NUDT3: variants seen among roughly 807,000 people sequenced by gnomAD.
The protein encoded by NUDT3 is diphosphoinositol polyphosphate phosphohydrolase 1.
Under a neutral mutation model 23.6 loss-of-function variants are expected in NUDT3, and 9 were observed. The ratio of observed to expected loss-of-function variants is 0.38; its 90% CI spans 0.23 to 0.66. NUDT3 has a LOEUF of 0.66. NUDT3 is among the 30% of genes least tolerant of loss of function. NUDT3 has a pLI of 0.52. For missense variants in NUDT3, 172 were observed against 218.5 expected (o/e 0.79, Z 1.34); for synonymous variants, 86 against 82.6 (o/e 1.04, Z -0.22).
chr6:34,339,257 T>C (rs978805406), intron 2 of NUDT3, among the ~76,000 whole-genome samples: 10 of 152,222 alleles, frequency 6.6e-5, no homozygotes, highest in African/African-American at 2.2e-4. Flanking sequence ...GGAGACTTAG[T>C]TGCATTCCTT....
At chr6:34,326,623 C>T (rs892084378) in intron 2 of NUDT3, among the ~76,000 whole-genome samples, 2 of 150,962 alleles carry the variant, frequency 1.3e-5, no homozygotes, top group Non-Finnish European at 2.9e-5. Context: ...TTTTTTGACA[C>T]GGAGTCTTGC....
intron 2 of NUDT3, among the ~76,000 whole-genome samples, chr6:34,316,691 C>G (rs994667338): frequency 2.0e-5 from 3 of 152,100 alleles, no homozygotes; most frequent in Non-Finnish European, 2.9e-5. Context: ...GCAGAGGGAA[C>G]AGCAATTACA....
At chr6:34,334,468 C>T (rs1178810917) in intron 2 of NUDT3, among the ~76,000 whole-genome samples, 6 of 151,398 alleles carry the variant, frequency 4.0e-5, no homozygotes, top group South Asian at 2.1e-4. Context: ...GGTGAAACCC[C>T]GTCTCTACTA....
chr6:34,351,949 T>C (rs1456213751), intron 1 of NUDT3, among the ~76,000 whole-genome samples: 1 of 151,812 alleles, frequency 6.6e-6, no homozygotes, highest in Non-Finnish European at 1.5e-5. Context: ...GTGGGCATGG[T>C]GGCTCACACC....
chr6:34,305,249 T>C (rs1038694594), intron 2 of NUDT3, among the ~76,000 whole-genome samples: 1 of 152,184 alleles, frequency 6.6e-6, no homozygotes, highest in Non-Finnish European at 1.5e-5. Context: ...CCCAAAGTGC[T>C]GGGATTATAG....
At chr6:34,369,115 T>C (rs1764788621) in intron 1 of NUDT3, among the ~76,000 whole-genome samples, 2 of 152,342 alleles carry the variant, frequency 1.3e-5, no homozygotes, top group Middle Eastern at 3.4e-3. Flanking sequence ...GAAAAACTTG[T>C]ATAGAAATGT....
At chr6:34,373,432 C>A (rs2113761653) in intron 1 of NUDT3, among the ~76,000 whole-genome samples, 1 of 140,014 alleles carries the variant, frequency 7.1e-6, no homozygotes, top group Non-Finnish European at 1.5e-5. Context: ...CGGTATCTAT[C>A]CTCATAAATA....
intron 1 of NUDT3, among the ~76,000 whole-genome samples, chr6:34,355,999 G>A (rs1764555185): frequency 6.6e-6 from 1 of 152,042 alleles, no homozygotes; most frequent in Non-Finnish European, 1.5e-5. Flanking sequence ...CCCTGTTTAG[G>A]AGTAGAATGG....
intron 1 of NUDT3, among the ~76,000 whole-genome samples, chr6:34,360,132 G>C (rs940128721): frequency 1.3e-5 from 2 of 151,242 alleles, no homozygotes; most frequent in African/African-American, 4.9e-5. Flanking sequence ...AGGAGGCTGA[G>C]GAAGGAAGAT....
intron 1 of NUDT3, among the ~76,000 whole-genome samples, chr6:34,350,455 T>C (rs1764449167): frequency 6.6e-6 from 1 of 150,936 alleles, no homozygotes; most frequent in African/African-American, 2.5e-5. Context: ...TCTGTACTTG[T>C]TTGGATTCCA....
chr6:34,377,561 C>T (rs1764944906), intron 1 of NUDT3, among the ~76,000 whole-genome samples: 2 of 150,924 alleles, frequency 1.3e-5, no homozygotes, highest in Non-Finnish European at 3.0e-5. Flanking sequence ...GGGCAGGGCA[C>T]AGTGGCTCAT....
At chr6:34,383,853 C>G (rs1765063167) in intron 1 of NUDT3, among the ~76,000 whole-genome samples, 1 of 151,950 alleles carries the variant, frequency 6.6e-6, no homozygotes, top group Admixed American at 6.6e-5. Context: ...TGGTATTAGG[C>G]AAACAGAAGG....
At chr6:34,346,992 C>A (rs1764381616) in intron 1 of NUDT3, among the ~76,000 whole-genome samples, 1 of 152,172 alleles carries the variant, frequency 6.6e-6, no homozygotes, top group Non-Finnish European at 1.5e-5. Flanking sequence ...TGGTCTTGAA[C>A]TCCTGACCTC....
At chr6:34,302,625 G>A (rs1051105847) in intron 2 of NUDT3, among the ~76,000 whole-genome samples, 1 of 152,144 alleles carries the variant, frequency 6.6e-6, no homozygotes, top group South Asian at 2.1e-4. Context: ...CCAGTTACTC[G>A]GGAGGCTGAG....
intron 2 of NUDT3, among the ~76,000 whole-genome samples, chr6:34,318,032 T>C (rs896289831): frequency 6.6e-6 from 1 of 152,090 alleles, no homozygotes; most frequent in Admixed American, 6.6e-5. Flanking sequence ...AAGCTGAAAA[T>C]AAACTTGCAT....
At chr6:34,366,971 C>A (rs1183943353) in intron 1 of NUDT3, among the ~76,000 whole-genome samples, 2 of 152,180 alleles carry the variant, frequency 1.3e-5, no homozygotes, top group Non-Finnish European at 2.9e-5. Flanking sequence ...CAGCTCACTG[C>A]AACCTCTGCC....
At chr6:34,332,268 A>C (rs1764139593) in intron 2 of NUDT3, among the ~76,000 whole-genome samples, 1 of 152,132 alleles carries the variant, frequency 6.6e-6, no homozygotes, top group African/African-American at 2.4e-5. Context: ...TCTTATATTA[A>C]AGCTAGAAAA....
chr6:34,321,916 GTATT>G (rs1763948159), intron 2 of NUDT3, among the ~76,000 whole-genome samples: 1 of 152,138 alleles, frequency 6.6e-6, no homozygotes, highest in African/African-American at 2.4e-5. Context: ...ACTGAATTTT[GTATT>G]TATTTAATTT....
intron 1 of NUDT3, among the ~76,000 whole-genome samples, chr6:34,371,346 G>C (rs1209923826): frequency 1.3e-5 from 2 of 148,900 alleles, no homozygotes; most frequent in Non-Finnish European, 3.0e-5. Flanking sequence ...CGTGCCGGTA[G>C]TCCAAGCTAC....
Sources: gnomAD v4.1 joint callset for allele counts (sites outside exome capture counted in the v4.1 genomes callset) on GRCh38, gnomAD v4.1.1 for gene constraint, MANE v1.5 for transcripts, NCBI Gene and HGNC (gene_info 2026-07-23, HGNC 2026-07-21) for gene names.